Variants in GRHL1 observed in about 807,000 individuals in gnomAD.
GRHL1 encodes grainyhead like transcription factor 1, also known as grainyhead-like protein 1 homolog.
Under a neutral mutation model 75.7 loss-of-function variants are expected in GRHL1, and 38 were observed. The observed-to-expected ratio is 0.50, with a 90% CI of 0.39 to 0.66. GRHL1 has a LOEUF of 0.66. Ranked by LOEUF, GRHL1 falls within the 30% of genes least tolerant of loss-of-function variation. The pLI is 0.00. For missense variants in GRHL1, 589 were observed against 767.5 expected, an observed-to-expected ratio of 0.77 and a Z score of 2.75; for synonymous variants, 266 against 279.4, an observed-to-expected ratio of 0.95 and a Z score of 0.48.
intron 8 of GRHL1, among the ~76,000 whole-genome samples, chr2:9,985,834 C>G (rs1168496527): frequency 6.6e-6 from 1 of 152,206 alleles, no homozygotes; most frequent in Non-Finnish European, 1.5e-5. Flanking sequence ...TAACCAGCCT[C>G]TTCCCCTGTC....
At chr2:9,956,494 C>G (rs1345339098) in intron 2 of GRHL1, among the ~76,000 whole-genome samples, 2 of 151,700 alleles carry the variant, frequency 1.3e-5, no homozygotes, top group African/African-American at 2.4e-5. Context: ...TCACTACACT[C>G]CAGCCTGGGT....
In GRHL1 at chr2:9,991,758, C is replaced by G. The variant is rs140414547; in HGVS notation, c.1322-249C>G. ...TCGCAAATCTTCTGTGGATATGCGT[C>G]TGTGTGTGTTTGAAGATACCTTTTC... On this transcript the variant is annotated intron_variant, in intron 10 of 15. Coordinates refer to ENST00000324907, the MANE Select transcript of GRHL1 (RefSeq NM_198182.3). Among the ~76,000 whole-genome samples, 1,112 of 152,346 alleles carry G rather than the reference C, an allele frequency of 7.3e-3. 7 individuals are homozygous for G. Among genetic ancestry groups the G allele is most frequent in the African/African-American group, 0.025 (1,025 of 41,592 alleles).
At chr2:9,954,245 G>A (rs1009988393) in intron 1 of GRHL1, among the ~76,000 whole-genome samples, 2 of 152,076 alleles carry the variant, frequency 1.3e-5, no homozygotes, top group African/African-American at 2.4e-5. Context: ...ATATCCTTAA[G>A]TGTTTATCTC....
chr2:9,957,991 G>T (rs2125204696), intron 2 of GRHL1, among the ~76,000 whole-genome samples: 1 of 152,240 alleles, frequency 6.6e-6, no homozygotes, highest in African/African-American at 2.4e-5. Context: ...GCCCTCATTT[G>T]GATCTTAGAA....
chr2:9,963,813 T>C (rs763955142), intron 5 of GRHL1, 73 bp from the exon 6 acceptor site: 4 of 975,862 alleles, frequency 4.1e-6, no homozygotes, highest in Non-Finnish European at 6.0e-6. Flanking sequence ...TAGCAAATGC[T>C]ATTTATAATA....
chr2:10,000,501 A>G (rs1047046046), intron 15 of GRHL1, 92 bp from the exon 16 acceptor site: 5 of 690,480 alleles, frequency 7.2e-6, no homozygotes, highest in African/African-American at 3.6e-5. Context: ...ACATGCTGCA[A>G]CTAGTAAGTG....
At chr2:9,962,353 G>A (rs767995588) in intron 4 of GRHL1, 102 bp from the exon 5 acceptor site, 14 of 691,088 alleles carry the variant, frequency 2.0e-5, no homozygotes, top group African/African-American at 3.6e-5. Context: ...AAAGGATAGT[G>A]GGTTGCTGTA....
chr2:9,953,580 G>A (rs368945942), intron 1 of GRHL1, among the ~76,000 whole-genome samples: 5 of 152,208 alleles, frequency 3.3e-5, no homozygotes, highest in African/African-American at 1.2e-4. Context: ...GCCAAAACGT[G>A]AGTAAAAACA....
At chr2:9,982,380 C>A (rs1420969702) in intron 8 of GRHL1, among the ~76,000 whole-genome samples, 1 of 152,114 alleles carries the variant, frequency 6.6e-6, no homozygotes, top group Non-Finnish European at 1.5e-5. Flanking sequence ...TCGAATTACT[C>A]GAATTTGGTA....
At chr2:9,954,517 C>T (rs370224489) in intron 1 of GRHL1, among the ~76,000 whole-genome samples, 2 of 152,188 alleles carry the variant, frequency 1.3e-5, no homozygotes, top group Admixed American at 6.5e-5. Flanking sequence ...GAACGGCACA[C>T]GCTCTTCTCA....
At position 10,001,463 on chromosome 2, in the gene GRHL1, A is replaced by G. The variant is rs1669265860; in HGVS notation, c.*756A>G. On this transcript the variant is annotated 3_prime_UTR_variant, in exon 16 of 16. Transcript: ENST00000324907. ...GTGTCTGTGTACATATAGTGAAGAT[A>G]TGCAGTAAGAGCTACCTTAAAGACT... The G allele has an allele frequency of 6.6e-6, 1 of 152,286 alleles. No homozygotes were observed. The highest frequency in any genetic ancestry group is 1.5e-5 in the Non-Finnish European group (1 of 68,040). 9.4% of individuals were successfully genotyped at this position (152,286 alleles called of 1,614,324 possible). A position where few individuals can be genotyped will look rare whatever the true frequency, so the allele number is the denominator to read the frequency against.
intron 9 of GRHL1, among the ~76,000 whole-genome samples, chr2:9,988,823 G>C (rs1668527825): frequency 6.6e-6 from 1 of 152,136 alleles, no homozygotes. Flanking sequence ...GTTGTTTCAG[G>C]GTGGAGGGTA....
At position 9,961,335 on chromosome 2, in the gene GRHL1, C is replaced by T. The variant is rs150933141; in HGVS notation, c.568C>T (p.Leu190Phe). The change falls in exon 4 of 16, where the codon CTC (leucine) becomes TTC (phenylalanine). Residue 190 changes from leucine (L) to phenylalanine (F), a missense_variant. Leu to Phe is a conservative substitution (Grantham distance 22). Coordinates refer to ENST00000324907, the MANE Select transcript of GRHL1 (RefSeq NM_198182.3). ...GCGGGTGGTGGTTTTCGATCGGAAT[C>T]TCAATACTGACCAGTTCAGCTCTGG... ...TERVVVFDRN[L>F]NTDQFSSGAQ... 1.5e-5 allele frequency: 25 copies of T among 1,614,200 alleles called. No homozygotes were observed. Among genetic ancestry groups the T allele is most frequent in the Non-Finnish European group, 1.9e-5 (23 of 1,180,042 alleles).
At position 9,961,167 on chromosome 2, in the gene GRHL1, AAG is replaced by A; in HGVS notation, c.405_406del (p.Gly136ProfsTer42). 6.2e-7 allele frequency: 1 copy of A among 1,614,052 alleles called. No individual in the cohort carries two copies. The highest frequency in any genetic ancestry group is 8.5e-7 in the Non-Finnish European group (1 of 1,179,950). ...CCATGGCAACCAGCTGGGCATTGAT[AAG>A]AGAGGCCATCTGACAGCTCCAGATA... ...LPHGNQLGID[K>X]RGHLTAPDTT... On this transcript the variant is annotated frameshift_variant, in exon 4 of 16. Transcript: ENST00000324907. LOFTEE classifies it high-confidence loss of function.
At position 9,968,284 on chromosome 2, in the gene GRHL1, G is replaced by C. The variant is rs1248324721; in HGVS notation, c.1110+2903G>C. Among the ~76,000 whole-genome samples the C allele has an allele frequency of 6.6e-6, 1 of 152,252 alleles. No homozygotes were observed. The highest frequency in any genetic ancestry group is 1.5e-5 in the Non-Finnish European group (1 of 68,038). On this transcript the variant is annotated intron_variant, in intron 8 of 15. Transcript: ENST00000324907. The surrounding 1 kb of genome is among the most constrained non-coding windows in gnomAD (Gnocchi z 4.7). ...TCTGCCATTGTCATGGAAACTTTCG[G>C]AAGTTTTGGAACTTGTGAAAATTTG...
At chr2:9,984,896 TAA>T (rs5829244) in intron 8 of GRHL1, among the ~76,000 whole-genome samples, 9 of 142,882 alleles carry the variant, frequency 6.3e-5, no homozygotes, top group East Asian at 2.0e-4. Context: ...ACCCTGTCTC[TAA>T]AAAAAAAAAA....
chr2:9,995,962 C>A lies in GRHL1; in HGVS notation c.1583C>A (p.Pro528Gln), dbSNP rs755847604. The change falls in exon 13 of 16, where the codon CCA (proline) becomes CAA (glutamine). Residue 528 changes from proline (P) to glutamine (Q), a missense_variant. Pro to Gln is a moderately conservative substitution (Grantham distance 76, BLOSUM62 -1). This residue lies in a region of GRHL1 where 192 missense variants were observed against 226.6 expected (regional missense o/e 0.85). Coordinates refer to ENST00000324907, the MANE Select transcript of GRHL1 (RefSeq NM_198182.3). ...PSTKLARIEE[P>Q]KRVLLYVRKE... is the part of the protein sequence containing the mutation. ...ACCAAGCTGGCCCGGATAGAAGAAC[C>A]AAAGAGAGGTGTGTTCGTTTCCATT... The A allele has an allele frequency of 1.1e-5, 18 of 1,590,290 alleles. No homozygotes were observed. The highest frequency in any genetic ancestry group is 1.7e-4 in the Middle Eastern group (1 of 6,054).
intron 9 of GRHL1, among the ~76,000 whole-genome samples, chr2:9,988,189 G>C (rs1383250142): frequency 6.6e-6 from 1 of 152,134 alleles, no homozygotes; most frequent in African/African-American, 2.4e-5. Flanking sequence ...AAGTTGCTCG[G>C]AAACCATCTG....
At chr2:9,970,685 G>A (rs551646413) in intron 8 of GRHL1, among the ~76,000 whole-genome samples, 2 of 152,322 alleles carry the variant, frequency 1.3e-5, no homozygotes, top group East Asian at 3.9e-4. Context: ...GGCAGTCAGA[G>A]ACAGGACAAA....
Sources: gnomAD v4.1 joint callset for allele counts (sites outside exome capture counted in the v4.1 genomes callset) on GRCh38, gnomAD v4.1.1 for gene constraint, gnomAD v4.1.1 regional missense constraint, Gnocchi (gnomAD v3.1) non-coding constraint, MANE v1.5 for transcripts, NCBI Gene and HGNC (gene_info 2026-07-23, HGNC 2026-07-21) for gene names.